Variants in ZNF609 observed in about 807,000 individuals in gnomAD.
ZNF609 encodes the protein zinc finger protein 609.
Under a neutral mutation model 109.5 loss-of-function variants are expected in ZNF609, and 11 were observed. That is an observed-to-expected ratio of 0.10 (90% CI 0.06 to 0.17). ZNF609 has a LOEUF of 0.17. Ranked by LOEUF, ZNF609 falls within the 10% of genes least tolerant of loss-of-function variation. The pLI is 1.00. For missense variants in ZNF609, 1,559 were observed against 1,772.4 expected (o/e 0.88, Z 2.16); for synonymous variants, 646 against 662.0 (o/e 0.98, Z 0.37).
chr15:64,594,721 T>G (rs1895360624), intron 2 of ZNF609, among the ~76,000 whole-genome samples: 2 of 151,782 alleles, frequency 1.3e-5, no homozygotes, highest in Admixed American at 6.6e-5. Flanking sequence ...TTTTTGTTAG[T>G]GTGATTAGAA....
At chr15:64,653,245 A>G (rs911212927) in intron 3 of ZNF609, among the ~76,000 whole-genome samples, 1 of 152,168 alleles carries the variant, frequency 6.6e-6, no homozygotes, top group Non-Finnish European at 1.5e-5. Flanking sequence ...GATATTCATT[A>G]CCCTATGCAT....
intron 3 of ZNF609, among the ~76,000 whole-genome samples, chr15:64,644,981 T>TTCTTTC (rs67157103): frequency 0.016 from 2,187 of 139,512 alleles, 56 homozygotes; most frequent in African/African-American, 0.059. Context: ...CTTTCTTTCT[T>TTCTTTC]TTTCTTTCTT....
intron 2 of ZNF609, among the ~76,000 whole-genome samples, chr15:64,578,191 C>G (rs1895034404): frequency 6.7e-6 from 1 of 149,876 alleles, no homozygotes; most frequent in Non-Finnish European, 1.5e-5. Context: ...GTCGCCCAGC[C>G]TGGAGTGCAA....
intron 1 of ZNF609, among the ~76,000 whole-genome samples, chr15:64,488,747 T>TA (rs1893366879): frequency 6.6e-6 from 1 of 152,170 alleles, no homozygotes; most frequent in South Asian, 2.1e-4. Context: ...TGAAAAATGC[T>TA]AAATGTTTTT....
chr15:64,474,798 C>T (rs538615485), intron 1 of ZNF609, among the ~76,000 whole-genome samples: 66 of 152,212 alleles, frequency 4.3e-4, no homozygotes, highest in African/African-American at 1.5e-3. Flanking sequence ...ATAAAGCCAG[C>T]GTAGACCTTT....
chr15:64,526,104 CT>C (rs536172253), intron 2 of ZNF609, among the ~76,000 whole-genome samples: 1,636 of 132,288 alleles, frequency 0.012, 6 homozygotes, highest in Middle Eastern at 0.028. Context: ...TTTTTCTTTT[CT>C]TTTTTTTTTT....
chr15:64,682,546 T>C lies in ZNF609; in HGVS notation c.*860T>C, dbSNP rs1402617519. The C allele has an allele frequency of 1.3e-5, 2 of 152,992 alleles. No individual in the cohort carries two copies. Among genetic ancestry groups the C allele is most frequent in the South Asian group, 2.1e-4 (1 of 4,838 alleles). The allele number at this position is 152,992 out of a possible 1,614,324, so 9.5% of individuals were successfully genotyped here. On this transcript the variant is annotated 3_prime_UTR_variant, in exon 10 of 10. Transcript: ENST00000326648. ...CTCCTTGCCCTTTTCCCTTCCCTCCTAACCCCTTGGTGCCTTTCCCAGGGG... is the reference window on the plus strand; with the variant it reads ...CTCCTTGCCCTTTTCCCTTCCCTCCCAACCCCTTGGTGCCTTTCCCAGGGG...
intron 1 of ZNF609, among the ~76,000 whole-genome samples, chr15:64,478,999 A>G (rs1476919311): frequency 6.6e-6 from 1 of 152,218 alleles, no homozygotes; most frequent in African/African-American, 2.4e-5. Flanking sequence ...GAACTTGAAC[A>G]TAGCTTGTTT....
In ZNF609 at chr15:64,680,201, C is replaced by T; in HGVS notation, c.3786C>T (p.Ser1262=). ...MQNYPGSYLP[S]SYSFSPYGSK... is the part of the protein sequence containing the mutation. ...CTTCCACAGGTTCCTACCTGCCTTC[C>T]AGCTACTCTTTTTCCCCATATGGCA... is the stretch of plus-strand genomic sequence containing the variant. The change falls in exon 7 of 10, where the codon TCC becomes TCT. Residue 1262 remains serine (S), a synonymous_variant. Coordinates refer to ENST00000326648, the MANE Select transcript of ZNF609 (RefSeq NM_015042.2). 1 of 1,614,036 alleles carries T rather than the reference C, an allele frequency of 6.2e-7. No homozygotes were observed. Among genetic ancestry groups the T allele is most frequent in the Non-Finnish European group, 8.5e-7 (1 of 1,179,982 alleles).
chr15:64,593,457 A>G (rs1466449707), intron 2 of ZNF609: 1 of 640,552 alleles, frequency 1.6e-6, no homozygotes, highest in South Asian at 1.9e-5. Context: ...TTCACGATGC[A>G]GTGAAATTCT....
At chr15:64,541,779 G>T (rs1475552339) in intron 2 of ZNF609, among the ~76,000 whole-genome samples, 1 of 145,750 alleles carries the variant, frequency 6.9e-6, no homozygotes, top group Non-Finnish European at 1.5e-5. Flanking sequence ...GGCAGAGCTT[G>T]CAGTGAGCCG....
intron 3 of ZNF609, among the ~76,000 whole-genome samples, chr15:64,654,578 T>A (rs1204123386): frequency 2.6e-5 from 4 of 152,162 alleles, no homozygotes; most frequent in Non-Finnish European, 5.9e-5. Flanking sequence ...TCTGTTCTCA[T>A]CTACTGCCTG....
chr15:64,460,051 G>C (rs151054865), upstream of ZNF609, among the ~76,000 whole-genome samples: 1 of 152,280 alleles, frequency 6.6e-6, no homozygotes, highest in Admixed American at 6.5e-5. Context: ...TCCTAAAAGA[G>C]AAAGCTGGAG....
chr15:64,475,649 C>T (rs1893159667), intron 1 of ZNF609, among the ~76,000 whole-genome samples: 2 of 152,122 alleles, frequency 1.3e-5, no homozygotes, highest in South Asian at 2.1e-4. Flanking sequence ...CCTTGGCCTC[C>T]GAAAGTGCTT....
At chr15:64,463,162 A>G (rs1300283443) in intron 1 of ZNF609, among the ~76,000 whole-genome samples, 2 of 152,218 alleles carry the variant, frequency 1.3e-5, no homozygotes, top group Non-Finnish European at 2.9e-5. Context: ...CAGGAGGCTG[A>G]GGTGGGAAGA....
At chr15:64,607,895 C>CTTTTT (rs71133457) in intron 2 of ZNF609, among the ~76,000 whole-genome samples, 1 of 12,258 alleles carries the variant, frequency 8.2e-5, no homozygotes, top group African/African-American at 1.6e-4. Context: ...TCTTTTCTTT[C>CTTTTT]TTTTTTTTTT....
At chr15:64,485,206 G>C (rs939893047) in intron 1 of ZNF609, among the ~76,000 whole-genome samples, 1 of 151,950 alleles carries the variant, frequency 6.6e-6, no homozygotes, top group Admixed American at 6.6e-5. Context: ...GAAGGTGAAG[G>C]CTTTAATGAA....
intron 2 of ZNF609, among the ~76,000 whole-genome samples, chr15:64,535,908 C>T (rs1894134190): frequency 6.6e-6 from 1 of 152,080 alleles, no homozygotes; most frequent in South Asian, 2.1e-4. Context: ...TTGTTTATCA[C>T]CTGTGTATTC....
chr15:64,488,420 G>T (rs535198971), intron 1 of ZNF609, among the ~76,000 whole-genome samples: 3 of 152,282 alleles, frequency 2.0e-5, no homozygotes, highest in African/African-American at 7.2e-5. Flanking sequence ...CTTCAATGGT[G>T]AGCACAAGAG....
Sources: gnomAD v4.1 joint callset for allele counts (sites outside exome capture counted in the v4.1 genomes callset) on GRCh38, gnomAD v4.1.1 for gene constraint, MANE v1.5 for transcripts, NCBI Gene and HGNC (gene_info 2026-07-23, HGNC 2026-07-21) for gene names.